Variants in METTL15 observed in about 807,000 individuals in gnomAD.
METTL15 encodes the protein 12S rRNA N(4)-cytidine methyltransferase METTL15.
A neutral mutation model predicts 38.3 loss-of-function variants in METTL15; 34 were observed. The ratio of observed to expected loss-of-function variants is 0.89; its 90% CI spans 0.68 to 1.18. The LOEUF (loss-of-function observed/expected upper bound fraction) is 1.18, where lower values mean the gene tolerates loss of function less well. METTL15 is among the 50% of genes most tolerant of loss of function. The probability of loss-of-function intolerance (pLI) is 0.00; values close to 1 mark genes in which losing one functional copy is unlikely to be tolerated. For missense variants in METTL15, 438 were observed against 498.4 expected, an observed-to-expected ratio of 0.88 and a Z score of 1.15; for synonymous variants, 162 against 170.9, an observed-to-expected ratio of 0.95 and a Z score of 0.41.
At chr11:28,301,294 T>A (rs1856905109) in intron 6 of METTL15, among the ~76,000 whole-genome samples, 1 of 152,044 alleles carries the variant, frequency 6.6e-6, no homozygotes, top group South Asian at 2.1e-4. Context: ...CCCCTACCCT[T>A]TTCTCTGGCT....
chr11:28,112,620 T>G (rs1427604815), intron 2 of METTL15, among the ~76,000 whole-genome samples: 1 of 152,178 alleles, frequency 6.6e-6, no homozygotes, highest in South Asian at 2.1e-4. Flanking sequence ...TATTTGTTTT[T>G]TGGGTGCCGG....
chr11:28,352,668 G>T (rs1850052033), intron 4 of METTL15, among the ~76,000 whole-genome samples: 1 of 152,018 alleles, frequency 6.6e-6, no homozygotes, highest in Non-Finnish European at 1.5e-5. Flanking sequence ...CTCAGATTCT[G>T]ATTTCTCCCA....
At chr11:28,473,450 A>G (rs1290772655) in intron 6 of METTL15, among the ~76,000 whole-genome samples, 1 of 152,300 alleles carries the variant, frequency 6.6e-6, no homozygotes, top group African/African-American at 2.4e-5. Flanking sequence ...GTTAAGGCAT[A>G]CTTATTACAT....
chr11:28,211,514 A>C (rs1464972148), intron 4 of METTL15, among the ~76,000 whole-genome samples: 3 of 152,104 alleles, frequency 2.0e-5, no homozygotes, highest in African/African-American at 7.2e-5. Flanking sequence ...ATAATTTTTA[A>C]ACATTTTTAT....
intron 4 of METTL15, among the ~76,000 whole-genome samples, chr11:28,229,773 C>A (rs77388221): frequency 0.036 from 5,399 of 152,002 alleles, 327 homozygotes; most frequent in African/African-American, 0.12. Flanking sequence ...GTTGTAGCAC[C>A]CTAAATGGAC....
chr11:28,146,331 G>A (rs1045904427), intron 3 of METTL15, among the ~76,000 whole-genome samples: 20 of 152,090 alleles, frequency 1.3e-4, no homozygotes, highest in Non-Finnish European at 2.5e-4. Flanking sequence ...AGTGTACTGA[G>A]TCATAGGCAG....
chr11:28,242,754 A>G (rs1054296804), intron 4 of METTL15, among the ~76,000 whole-genome samples: 26 of 152,286 alleles, frequency 1.7e-4, no homozygotes, highest in African/African-American at 5.3e-4. Context: ...AGCATTCTCC[A>G]TGAACCCTGG....
At chr11:28,363,448 A>G (rs540501372) in intron 5 of METTL15, among the ~76,000 whole-genome samples, 1 of 152,320 alleles carries the variant, frequency 6.6e-6, no homozygotes, top group South Asian at 2.1e-4. Flanking sequence ...CTGGGATTAC[A>G]GACATGAGCC....
At chr11:28,490,269 C>A (rs1460968096) in intron 6 of METTL15, among the ~76,000 whole-genome samples, 1 of 152,062 alleles carries the variant, frequency 6.6e-6, no homozygotes, top group African/African-American at 2.4e-5. Flanking sequence ...AATCCTAAAC[C>A]CCAAGAAGCC....
At chr11:28,261,450 C>A in intron 4 of METTL15, 1 of 156,828 alleles carries the variant, frequency 6.4e-6, no homozygotes. Context: ...ACCTTGTCAG[C>A]CAGATCAGCT....
rs68044190 is a variant in METTL15 at position 28,308,892 on chromosome 11, G to GTAGATAGATAGATAGATAGATAGA, written c.778+11981_778+12004dup. On this transcript the variant is annotated intron_variant, in intron 6 of 6. Transcript: ENST00000407364. Reference sequence around the variant, plus strand: ...AAAGATTAGATAGATAGGTAGGTAGGTAGATAGATAGATAGATAGATAGAT... The same window carrying GTAGATAGATAGATAGATAGATAGA: ...AAAGATTAGATAGATAGGTAGGTAGGTAGATAGATAGATAGATAGATAGATAGATAGATAGATAGATAGATAGAT... Among the ~76,000 whole-genome samples, 7 of 146,894 alleles carry GTAGATAGATAGATAGATAGATAGA rather than the reference G, an allele frequency of 4.8e-5. 1 individual carries two copies. The highest frequency in any genetic ancestry group is 6.9e-5 in the Admixed American group (1 of 14,488).
In METTL15 at chr11:28,208,628, G is replaced by A. The variant is rs140039167; in HGVS notation, c.271-2434G>A. ...AGTTCTGTAGATGTCTATTAGGTCC[G>A]CTTTGTGCAGAGCTGAGTTCAATTC... is the stretch of plus-strand genomic sequence containing the variant. On this transcript the variant is annotated intron_variant, in intron 3 of 6. Transcript: ENST00000407364. 5.9e-5 allele frequency among the ~76,000 whole-genome samples: 9 copies of A among 152,032 alleles called. No homozygotes were observed. The East Asian group carries it at 7.7e-4, about 13-fold the overall frequency.
At chr11:28,495,912 T>G (rs1851532080) in intron 6 of METTL15, among the ~76,000 whole-genome samples, 1 of 152,188 alleles carries the variant, frequency 6.6e-6, no homozygotes, top group South Asian at 2.1e-4. Context: ...AGCAGCACTT[T>G]CTTTCCTTTG....
rs1590271628 is a variant in METTL15 at position 28,290,325 on chromosome 11, A to G, written c.527A>G (p.Gln176Arg). ...VLMDLGCSSM[Q>R]LDTPERGFSL... ...ATGGATCTTGGGTGTTCCTCCATGC[A>G]ACTTGATACTCCTGAAAGAGGTTTT... Residue 176 changes from glutamine (Q) to arginine (R), a missense_variant, in exon 5 of 7, where the codon CAA (glutamine) becomes CGA (arginine). Gln to Arg is a conservative substitution (Grantham distance 43). Coordinates refer to ENST00000407364, the MANE Select transcript of METTL15 (RefSeq NM_001113528.2). 1.2e-6 allele frequency: 2 copies of G among 1,613,608 alleles called. No homozygotes were observed. Among genetic ancestry groups the G allele is most frequent in the South Asian group, 2.2e-5 (2 of 91,060 alleles).
intron 6 of METTL15, among the ~76,000 whole-genome samples, chr11:28,302,031 C>A (rs1164767989): frequency 6.6e-6 from 1 of 152,100 alleles, no homozygotes; most frequent in Non-Finnish European, 1.5e-5. Context: ...GACTCAACCT[C>A]CTGAGTAGCT....
intron 6 of METTL15, among the ~76,000 whole-genome samples, chr11:28,304,758 C>T (rs1857023794): frequency 6.6e-6 from 1 of 152,018 alleles, no homozygotes; most frequent in Non-Finnish European, 1.5e-5. Context: ...AAGAAATAGT[C>T]ATTATCTTTT....
At chr11:28,281,715 A>G (rs369639107) in intron 4 of METTL15, among the ~76,000 whole-genome samples, 1 of 152,188 alleles carries the variant, frequency 6.6e-6, no homozygotes, top group Non-Finnish European at 1.5e-5. Context: ...GTGACTAGAA[A>G]AGTGCCTGAC....
At chr11:28,445,677 G>A (rs1041138951) in intron 6 of METTL15, among the ~76,000 whole-genome samples, 1 of 151,790 alleles carries the variant, frequency 6.6e-6, no homozygotes, top group African/African-American at 2.4e-5. Flanking sequence ...TTTGAGACAG[G>A]GTCTCGCTCT....
At chr11:28,446,359 G>A (rs1851075263) in intron 6 of METTL15, among the ~76,000 whole-genome samples, 2 of 152,238 alleles carry the variant, frequency 1.3e-5, no homozygotes, top group Admixed American at 1.3e-4. Flanking sequence ...CCACACTGGT[G>A]CTCTCGCCTT....
Sources: allele counts gnomAD v4.1 joint callset (sites outside exome capture counted in the v4.1 genomes callset), GRCh38; gene constraint gnomAD v4.1.1; transcripts MANE v1.5; gene names NCBI Gene and HGNC (gene_info 2026-07-23, HGNC 2026-07-21).